The following CASK variants were observed in gnomAD, a reference collection of about 807,000 sequenced individuals.
The protein encoded by CASK is peripheral plasma membrane protein CASK.
A neutral mutation model predicts 82.9 loss-of-function variants in CASK; 4 were observed. The ratio of observed to expected loss-of-function variants is 0.05; its 90% confidence interval spans 0.02 to 0.11. The LOEUF is 0.11. CASK is among the 10% of genes least tolerant of loss of function. The pLI is 1.00. For missense variants in CASK, 358 were observed against 720.9 expected (o/e 0.50, Z 5.76); for synonymous variants, 259 against 253.5 (o/e 1.02, Z -0.20).
intron 3 of CASK, among the ~76,000 whole-genome samples, chrX:41,777,368 T>C (rs938888207): frequency 1.8e-5 from 2 of 109,802 alleles, no homozygotes; most frequent in Non-Finnish European, 3.8e-5. Flanking sequence ...GGTGCATGCC[T>C]GTAGTCCCAG....
intron 3 of CASK, among the ~76,000 whole-genome samples, chrX:41,750,569 A>G (rs770504130): frequency 8.9e-6 from 1 of 112,181 alleles, no homozygotes; most frequent in South Asian, 3.7e-4. Context: ...GTATGCAGAG[A>G]GAAATTAAGG....
chrX:41,867,120 G>GA (rs1195881562), intron 1 of CASK, among the ~76,000 whole-genome samples: 1 of 112,066 alleles, frequency 8.9e-6, no homozygotes, highest in Non-Finnish European at 1.9e-5. Context: ...ACACAAATAG[G>GA]AAAGTTAGGG....
chrX:41,748,493 T>C, intron 3 of CASK: 1 of 189,098 alleles, frequency 5.3e-6, no homozygotes, highest in African/African-American at 3.0e-5. Context: ...CAGAATAACC[T>C]GTTCCTATCC....
At chrX:41,691,279 C>T (rs1377890024) in intron 5 of CASK, among the ~76,000 whole-genome samples, 2 of 111,722 alleles carry the variant, frequency 1.8e-5, no homozygotes, top group Non-Finnish European at 3.8e-5. Context: ...GGCAATCATT[C>T]TGATGAATGA....
At position 41,905,851 on chromosome X, in the gene CASK, T is replaced by C. The variant is rs1235384403; in HGVS notation, c.59+17079A>G. ...TTACAAGCAATGAAATCGTTTTAGA[T>C]AGATCAAGTAAGCCAGTCATTAGTA... On this transcript the variant is annotated intron_variant, in intron 1 of 26. Coordinates refer to ENST00000378163, the MANE Select transcript of CASK (RefSeq NM_001367721.1). Among the ~76,000 whole-genome samples the C allele has an allele frequency of 2.7e-5, 3 of 113,006 alleles. No individual in the cohort carries two copies. The Admixed American group carries it at 2.8e-4, about 11-fold the overall frequency.
chrX:41,720,175 C>T (rs1159325112), intron 5 of CASK, among the ~76,000 whole-genome samples: 1 of 113,414 alleles, frequency 8.8e-6, no homozygotes, highest in Non-Finnish European at 1.9e-5. Context: ...GAGAGAAACG[C>T]TCCCATTGCT....
chrX:41,653,966 C>A (rs911545139), intron 8 of CASK, among the ~76,000 whole-genome samples: 1 of 112,039 alleles, frequency 8.9e-6, no homozygotes, highest in Admixed American at 9.4e-5. Context: ...AAGGTCTGTA[C>A]ACCCTGAGAA....
At chrX:41,905,205 A>T (rs1315002256) in intron 1 of CASK, among the ~76,000 whole-genome samples, 1 of 112,477 alleles carries the variant, frequency 8.9e-6, no homozygotes, top group Non-Finnish European at 1.9e-5. Context: ...ATGTTCATGT[A>T]TAAGTTTCTG....
chrX:41,769,634 C>T (rs752872594), intron 3 of CASK, among the ~76,000 whole-genome samples: 2 of 110,655 alleles, frequency 1.8e-5, no homozygotes, highest in Non-Finnish European at 3.8e-5. Flanking sequence ...CCTGAAGGTT[C>T]GCAGTAGAAG....
At chrX:41,879,474 C>A (rs1232542044) in intron 1 of CASK, among the ~76,000 whole-genome samples, 1 of 111,598 alleles carries the variant, frequency 9.0e-6, no homozygotes. Context: ...TGGCTCCCCC[C>A]TCTCAAAATA....
intron 1 of CASK, among the ~76,000 whole-genome samples, chrX:41,906,379 A>G (rs189388725): frequency 8.9e-5 from 10 of 112,570 alleles, no homozygotes; most frequent in African/African-American, 3.2e-4. Flanking sequence ...TGTAGTATCT[A>G]TTTCACAACG....
intron 11 of CASK, among the ~76,000 whole-genome samples, chrX:41,613,880 CT>C (rs758228814): frequency 2.2e-4 from 25 of 111,929 alleles, no homozygotes; most frequent in African/African-American, 7.8e-4. Flanking sequence ...ATATAAGCTA[CT>C]GATTTTTGTA....
At chrX:41,707,130 AGGT>A (rs1215931462) in intron 5 of CASK, among the ~76,000 whole-genome samples, 1 of 112,422 alleles carries the variant, frequency 8.9e-6, no homozygotes, top group Non-Finnish European at 1.9e-5. Context: ...TCTCATCCAG[AGGT>A]GGAGTCTACT....
At chrX:41,528,011 A>T (rs1269323810) in intron 25 of CASK, among the ~76,000 whole-genome samples, 1 of 112,603 alleles carries the variant, frequency 8.9e-6, no homozygotes, top group Non-Finnish European at 1.9e-5. Context: ...GAACCATCTT[A>T]AGGATTCCCA....
At chrX:41,757,272 C>A (rs751879936) in intron 3 of CASK, among the ~76,000 whole-genome samples, 39 of 111,150 alleles carry the variant, frequency 3.5e-4, no homozygotes, top group African/African-American at 1.1e-3. Context: ...GATGTCTTCA[C>A]AAATGTCCCA....
In CASK at chrX:41,857,624, C is replaced by T. The variant is rs1309180177; in HGVS notation, c.60-4397G>A. ...ACACAGAGAAATTTATCAATAGAAGCGTTGGCCGATAATTTGGGAAAAGCA... is the reference window on the plus strand; with the variant it reads ...ACACAGAGAAATTTATCAATAGAAGTGTTGGCCGATAATTTGGGAAAAGCA... On this transcript the variant is annotated intron_variant, in intron 1 of 26. Transcript: ENST00000378163. 4.5e-5 allele frequency among the ~76,000 whole-genome samples: 5 copies of T among 111,543 alleles called. No individual in the cohort carries two copies. The East Asian group carries it at 1.1e-3, about 25-fold the overall frequency.
chrX:41,786,392 T>A (rs1446265612), intron 3 of CASK, among the ~76,000 whole-genome samples: 2 of 95,328 alleles, frequency 2.1e-5, no homozygotes, highest in East Asian at 6.4e-4. Flanking sequence ...GATTACAACC[T>A]TTTTTTTTTT....
At chrX:41,778,233 ATT>A (rs1171839577) in intron 3 of CASK, among the ~76,000 whole-genome samples, 1 of 104,785 alleles carries the variant, frequency 9.5e-6, no homozygotes. Context: ...TACACTAAGA[ATT>A]TTTTTTTTTT....
At chrX:41,709,364 C>G (rs1224233439) in intron 5 of CASK, among the ~76,000 whole-genome samples, 1 of 111,652 alleles carries the variant, frequency 9.0e-6, no homozygotes, top group Non-Finnish European at 1.9e-5. Flanking sequence ...TAATAAATCT[C>G]GAGATTGAAA....
Sources: gnomAD v4.1 joint callset for allele counts (sites outside exome capture counted in the v4.1 genomes callset) on GRCh38, gnomAD v4.1.1 for gene constraint, MANE v1.5 for transcripts, NCBI Gene and HGNC (gene_info 2026-07-23, HGNC 2026-07-21) for gene names.